Variants in WDPCP observed in about 807,000 individuals in gnomAD.
The protein encoded by WDPCP is WD repeat-containing and planar cell polarity effector protein fritz homolog.
Under a neutral mutation model 93.1 loss-of-function variants are expected in WDPCP, and 71 were observed. The observed-to-expected ratio is 0.76, with a 90% CI of 0.63 to 0.93. The LOEUF is 0.93. WDPCP is among the 40% of genes least tolerant of loss of function. WDPCP has a pLI of 0.00. For synonymous variants in WDPCP, 315 were observed against 315.0 expected, an observed-to-expected ratio of 1.00 and a Z score of 0.00; for missense variants, 844 against 887.4, an observed-to-expected ratio of 0.95 and a Z score of 0.62.
At position 63,804,547 on chromosome 2, in the gene WDPCP, G is replaced by A. The variant is rs534653930; in HGVS notation, n.308+9075C>T. 2.2e-4 allele frequency among the ~76,000 whole-genome samples: 33 copies of A among 151,036 alleles called. No individual in the cohort carries two copies. The South Asian group carries it at 4.2e-3, about 19-fold the overall frequency. ...TGGGATTACAGGTGTGAGTCACCTCGCCCGACCCAAGCCAGACACTTATCC... is the reference window on the plus strand; with the variant it reads ...TGGGATTACAGGTGTGAGTCACCTCACCCGACCCAAGCCAGACACTTATCC... On this transcript the variant is annotated intron_variant and non_coding_transcript_variant, in intron 2 of 4. Transcript: ENST00000467687.
At chr2:63,688,197 C>T (rs183896298) in intron 2 of WDPCP, among the ~76,000 whole-genome samples, 169 of 152,160 alleles carry the variant, frequency 1.1e-3, no homozygotes, top group African/African-American at 3.5e-3. Context: ...GAGGCCGAGG[C>T]GGGCAGATCA....
At chr2:63,830,717 C>T (rs1331127380), upstream of WDPCP, among the ~76,000 whole-genome samples, 3 of 152,112 alleles carry the variant, frequency 2.0e-5, no homozygotes, top group African/African-American at 4.8e-5. Context: ...CTATAGCACA[C>T]GTTATCCTGG....
chr2:63,647,815 G>A (rs1710068822), intron 3 of WDPCP, among the ~76,000 whole-genome samples: 1 of 151,896 alleles, frequency 6.6e-6, no homozygotes. Flanking sequence ...AACTGCATGT[G>A]AATTTATAAT....
intron 2 of WDPCP, among the ~76,000 whole-genome samples, chr2:63,702,710 T>G (rs1669078643): frequency 6.6e-6 from 1 of 151,962 alleles, no homozygotes; most frequent in Non-Finnish European, 1.5e-5. Flanking sequence ...GCTAATTTTT[T>G]TTTTTTTTTA....
At chr2:63,294,072 G>A (rs1684649407) in intron 13 of WDPCP, among the ~76,000 whole-genome samples, 1 of 152,104 alleles carries the variant, frequency 6.6e-6, no homozygotes, top group Non-Finnish European at 1.5e-5. Flanking sequence ...ATAATTAAAT[G>A]TTCAAAATAC....
chr2:63,135,149 A>G (rs995422745), intron 17 of WDPCP, among the ~76,000 whole-genome samples: 2 of 152,146 alleles, frequency 1.3e-5, no homozygotes, highest in Non-Finnish European at 2.9e-5. Context: ...AAAGCTCTGG[A>G]TAAAGTGTGC....
intron 10 of WDPCP, among the ~76,000 whole-genome samples, chr2:63,390,924 G>T (rs1693184372): frequency 6.6e-6 from 1 of 152,162 alleles, no homozygotes; most frequent in African/African-American, 2.4e-5. Flanking sequence ...AAAGTGTCCA[G>T]AACCAGACGG....
In WDPCP at chr2:63,765,646, G is replaced by A. The variant is rs544559929; in HGVS notation, n.308+47976C>T. 1.2e-4 allele frequency among the ~76,000 whole-genome samples: 19 copies of A among 152,288 alleles called. No individual in the cohort carries two copies. The South Asian group carries it at 3.9e-3, about 32-fold the overall frequency. On this transcript the variant is annotated intron_variant and non_coding_transcript_variant, in intron 2 of 4. Transcript: ENST00000467687. Reference sequence around the variant, plus strand: ...CTATGCAACATTGTCCCAAAGACATGGATTCAATCCCTTCCAGAAACTCCA... The same window carrying A: ...CTATGCAACATTGTCCCAAAGACATAGATTCAATCCCTTCCAGAAACTCCA...
chr2:63,565,729 T>C (rs560456157), intron 1 of WDPCP, among the ~76,000 whole-genome samples: 10 of 152,196 alleles, frequency 6.6e-5, no homozygotes, highest in Non-Finnish European at 1.0e-4. Flanking sequence ...AATTATATTA[T>C]AGGTTATATA....
intron 3 of WDPCP, among the ~76,000 whole-genome samples, chr2:63,628,690 G>A (rs1451272728): frequency 1.3e-5 from 2 of 152,156 alleles, no homozygotes; most frequent in Non-Finnish European, 2.9e-5. Context: ...TGACATCTTG[G>A]TATGTGGCCT....
At chr2:63,584,887 C>T (rs1708736204) in intron 1 of WDPCP, among the ~76,000 whole-genome samples, 1 of 152,056 alleles carries the variant, frequency 6.6e-6, no homozygotes, top group Admixed American at 6.5e-5. Flanking sequence ...CTTCTGGAAA[C>T]ATGTAATTAT....
intron 15 of WDPCP, among the ~76,000 whole-genome samples, chr2:63,154,900 G>A (rs539721597): frequency 6.6e-6 from 1 of 152,114 alleles, no homozygotes; most frequent in Non-Finnish European, 1.5e-5. Context: ...TTCCCAAATA[G>A]CTCATGATAT....
At chr2:63,435,301 C>T (rs1039477684) in intron 8 of WDPCP, among the ~76,000 whole-genome samples, 4 of 152,074 alleles carry the variant, frequency 2.6e-5, no homozygotes, top group Admixed American at 2.0e-4. Context: ...AACTATGGTA[C>T]AGCTGTAAAG....
chr2:63,437,769 A>C, intron 7 of WDPCP: 1 of 1,336,398 alleles, frequency 7.5e-7, no homozygotes. Context: ...TCCTGTGACT[A>C]TTTCAATATA....
At chr2:63,261,317 T>C (rs1681614327) in intron 13 of WDPCP, among the ~76,000 whole-genome samples, 1 of 152,090 alleles carries the variant, frequency 6.6e-6, no homozygotes, top group African/African-American at 2.4e-5. Flanking sequence ...AAAATCCATT[T>C]AACTGTGCAA....
At chr2:63,318,416 G>C (rs1686824504) in intron 12 of WDPCP, among the ~76,000 whole-genome samples, 1 of 152,168 alleles carries the variant, frequency 6.6e-6, no homozygotes, top group Non-Finnish European at 1.5e-5. Context: ...CCATTACTGA[G>C]TATATACCCA....
chr2:63,588,482 C>T (rs1709040229), upstream of WDPCP: 4 of 651,468 alleles, frequency 6.1e-6, no homozygotes, highest in South Asian at 6.9e-5. Context: ...CTTATCAATT[C>T]CCCCGCCCCT....
At chr2:63,594,650 A>G in intron 3 of WDPCP, 1 of 1,155,770 alleles carries the variant, frequency 8.7e-7, no homozygotes, top group Non-Finnish European at 1.3e-6. Context: ...AAAAATCTGT[A>G]TTTAGTTGTA....
chr2:63,259,436 T>C lies in WDPCP; in HGVS notation c.1813-27A>G, dbSNP rs537344300. ...TGAGGAAATAAAGCAAAATAAAAGA[T>C]TGATTCAAAATGAACCTTGCCCAAG... On this transcript the variant is annotated intron_variant, in intron 13 of 17. Coordinates refer to ENST00000272321, the MANE Select transcript of WDPCP (RefSeq NM_015910.7). 525 of 1,577,392 alleles carry C rather than the reference T, an allele frequency of 3.3e-4. No homozygotes were observed. Among genetic ancestry groups the C allele is most frequent in the Admixed American group, 2.1e-3 (127 of 59,904 alleles).
Sources: allele counts gnomAD v4.1 joint callset (sites outside exome capture counted in the v4.1 genomes callset), GRCh38; gene constraint gnomAD v4.1.1; transcripts MANE v1.5; gene names NCBI Gene and HGNC (gene_info 2026-07-23, HGNC 2026-07-21).